ADCY2: variants seen among roughly 807,000 people sequenced by gnomAD.
ADCY2 encodes adenylate cyclase 2.
ADCY2 carries 31 observed loss-of-function variants against 125.2 expected under a neutral mutation model. The observed-to-expected ratio is 0.25, with a 90% confidence interval of 0.19 to 0.33. ADCY2 has a LOEUF of 0.33. Ranked by LOEUF, ADCY2 falls within the 10% of genes least tolerant of loss-of-function variation. The pLI, the probability that ADCY2 is intolerant of heterozygous loss-of-function variation, is 1.00. For missense variants in ADCY2, 904 were observed against 1,418.2 expected (o/e 0.64, Z 5.82); for synonymous variants, 512 against 548.4 (o/e 0.93, Z 0.93).
intron 2 of ADCY2, among the ~76,000 whole-genome samples, chr5:7,448,450 G>C (rs772665290): frequency 3.3e-5 from 5 of 152,072 alleles, no homozygotes; most frequent in Non-Finnish European, 7.4e-5. Flanking sequence ...AGGTGTGTTG[G>C]TGTTGATCAG....
chr5:7,412,231 C>A (rs1008930916), intron 1 of ADCY2, among the ~76,000 whole-genome samples: 17 of 152,250 alleles, frequency 1.1e-4, no homozygotes, highest in Non-Finnish European at 1.9e-4. Flanking sequence ...GTTTTTCAGT[C>A]TTTCTGGAGA....
In ADCY2 at chr5:7,806,026, C is replaced by T. The variant is rs148481020; in HGVS notation, c.2883+1334C>T. Among the ~76,000 whole-genome samples the T allele has an allele frequency of 6.2e-3, 951 of 152,262 alleles. 13 individuals carry two copies. Among genetic ancestry groups the T allele is most frequent in the African/African-American group, 0.022 (914 of 41,548 alleles). The stretch of plus-strand genomic sequence containing the variant: ...AAGAACCTTGCCTTTGAATTCTGAG[C>T]AACACCCTCTCAAGCCATCATGGAG... On this transcript the variant is annotated intron_variant, in intron 22 of 24. Transcript: ENST00000338316.
At chr5:7,498,211 G>A (rs1013743497) in intron 2 of ADCY2, among the ~76,000 whole-genome samples, 2 of 146,350 alleles carry the variant, frequency 1.4e-5, no homozygotes, top group Non-Finnish European at 3.0e-5. Context: ...CAAGGATATA[G>A]AGTAAGTAAA....
chr5:7,450,981 A>G (rs1283167017), intron 2 of ADCY2, among the ~76,000 whole-genome samples: 3 of 151,996 alleles, frequency 2.0e-5, no homozygotes, highest in Non-Finnish European at 4.4e-5. Context: ...AAATAAAAAG[A>G]TGCCTTTCAA....
intron 2 of ADCY2, among the ~76,000 whole-genome samples, chr5:7,485,285 G>A (rs1742883870): frequency 6.6e-6 from 1 of 152,172 alleles, no homozygotes; most frequent in South Asian, 2.1e-4. Flanking sequence ...AAAAGTATAT[G>A]AAAGTTATCT....
At chr5:7,763,861 GA>G (rs1352061641) in intron 16 of ADCY2, among the ~76,000 whole-genome samples, 1 of 152,152 alleles carries the variant, frequency 6.6e-6, no homozygotes, top group Non-Finnish European at 1.5e-5. Flanking sequence ...CCTCAAAGGG[GA>G]GAGATGCATT....
At chr5:7,495,911 A>C (rs1422742935) in intron 2 of ADCY2, among the ~76,000 whole-genome samples, 1 of 152,214 alleles carries the variant, frequency 6.6e-6, no homozygotes, top group Non-Finnish European at 1.5e-5. Context: ...TGAATTTATA[A>C]AAATAATTTT....
chr5:7,599,223 A>G (rs983841322), intron 3 of ADCY2, among the ~76,000 whole-genome samples: 2 of 152,214 alleles, frequency 1.3e-5, no homozygotes, highest in African/African-American at 4.8e-5. Context: ...AGATTTGAGT[A>G]GGGACAGCCC....
In ADCY2 at chr5:7,690,717, G is replaced by A. The variant is rs566059861; in HGVS notation, c.747G>A (p.Pro249=). The A allele has an allele frequency of 6.9e-5, 110 of 1,600,510 alleles. No homozygotes were observed. The East Asian group carries it at 1.3e-3, about 20-fold the overall frequency. ...QQERLLLSLL[P]AHIAMEMKAE... ...AGCGGCTTCTGCTCTCCCTGCTGCC[G>A]GCCCACATCGCCATGGAGATGAAAG... The change falls in exon 5 of 25, where the codon CCG becomes CCA. Residue 249 remains proline, a synonymous_variant. Transcript: ENST00000338316.
chr5:7,431,610 G>A (rs1203234698), intron 2 of ADCY2, among the ~76,000 whole-genome samples: 1 of 151,814 alleles, frequency 6.6e-6, no homozygotes, highest in Non-Finnish European at 1.5e-5. Flanking sequence ...CCATTCAAGG[G>A]CATTGTTATG....
chr5:7,751,588 A>G (rs1742819771), intron 15 of ADCY2, among the ~76,000 whole-genome samples: 1 of 152,092 alleles, frequency 6.6e-6, no homozygotes, highest in African/African-American at 2.4e-5. Context: ...GTGATTTCAA[A>G]CCCAACACTT....
intron 6 of ADCY2, among the ~76,000 whole-genome samples, chr5:7,696,138 G>A (rs996980816): frequency 1.3e-5 from 2 of 152,032 alleles, no homozygotes; most frequent in African/African-American, 4.8e-5. Flanking sequence ...TACATTCCAG[G>A]CAGTGAGATT....
chr5:7,774,713 G>A (rs549392209), intron 18 of ADCY2, among the ~76,000 whole-genome samples: 5 of 152,060 alleles, frequency 3.3e-5, no homozygotes, highest in Admixed American at 1.3e-4. Context: ...TTGTATTTGC[G>A]CTCGGTTTGT....
intron 4 of ADCY2, among the ~76,000 whole-genome samples, chr5:7,666,316 TG>T (rs1234292933): frequency 6.6e-6 from 1 of 151,994 alleles, no homozygotes; most frequent in East Asian, 1.9e-4. Context: ...TCACCCAGGC[TG>T]GAGTGCAGTG....
At chr5:7,822,762 A>G (rs1745342357) in intron 24 of ADCY2, among the ~76,000 whole-genome samples, 1 of 151,912 alleles carries the variant, frequency 6.6e-6, no homozygotes, top group Non-Finnish European at 1.5e-5. Flanking sequence ...TGAACACTCT[A>G]TTTGTCTCAC....
intron 18 of ADCY2, among the ~76,000 whole-genome samples, chr5:7,776,209 A>C (rs965664397): frequency 6.6e-6 from 1 of 151,478 alleles, no homozygotes; most frequent in East Asian, 1.9e-4. Flanking sequence ...AAAAAAAAAA[A>C]AAAAAAAGCT....
chr5:7,524,849 C>T (rs1734402147), intron 3 of ADCY2, among the ~76,000 whole-genome samples: 1 of 152,066 alleles, frequency 6.6e-6, no homozygotes, highest in Non-Finnish European at 1.5e-5. Context: ...TTACTCTTTT[C>T]CTCTTTATAA....
chr5:7,528,023 A>G (rs1734531498), intron 3 of ADCY2, among the ~76,000 whole-genome samples: 1 of 152,190 alleles, frequency 6.6e-6, no homozygotes. Context: ...AGACTGTACC[A>G]TTGTCCATTC....
chr5:7,805,457 TGAGAGA>T (rs370289821), intron 22 of ADCY2, among the ~76,000 whole-genome samples: 8 of 150,580 alleles, frequency 5.3e-5, no homozygotes, highest in Non-Finnish European at 1.0e-4. Flanking sequence ...TGTGTGTGTG[TGAGAGA>T]GAGAGAGAGA....
Sources: allele counts gnomAD v4.1 joint callset (sites outside exome capture counted in the v4.1 genomes callset), GRCh38; gene constraint gnomAD v4.1.1; transcripts MANE v1.5; gene names NCBI Gene and HGNC (gene_info 2026-07-23, HGNC 2026-07-21).